GALNT14: variants seen among roughly 807,000 people sequenced by gnomAD.
GALNT14 encodes the protein UDP-GalNAc:polypeptide N-acetylgalactosaminyltransferase 14.
Under a neutral mutation model 77.5 loss-of-function variants are expected in GALNT14, and 60 were observed. The observed-to-expected ratio is 0.77, with a 90% CI of 0.63 to 0.96. GALNT14 has a LOEUF of 0.96. GALNT14 is among the 40% of genes least tolerant of loss of function. GALNT14 has a pLI of 0.00. For missense variants in GALNT14, 710 were observed against 731.0 expected (o/e 0.97, Z 0.33); for synonymous variants, 280 against 281.7 (o/e 0.99, Z 0.06).
chr2:31,008,873 C>T (rs1413665369), intron 1 of GALNT14, among the ~76,000 whole-genome samples: 1 of 152,190 alleles, frequency 6.6e-6, no homozygotes, highest in Non-Finnish European at 1.5e-5. Flanking sequence ...GGAGGCGGCT[C>T]CCTGCACGGG....
chr2:30,929,539 C>T (rs769950873), intron 10 of GALNT14, 52 bp from the exon 11 acceptor site: 31 of 1,365,384 alleles, frequency 2.3e-5, no homozygotes, highest in Non-Finnish European at 6.2e-6. Flanking sequence ...GTCTGAGAGG[C>T]CCTGTGAGTG....
At chr2:31,109,342 C>G (rs750358570) in intron 1 of GALNT14, among the ~76,000 whole-genome samples, 1 of 152,152 alleles carries the variant, frequency 6.6e-6, no homozygotes, top group African/African-American at 2.4e-5. Context: ...TACTTCTCCA[C>G]GAGAAACAGA....
At chr2:31,129,408 A>C (rs749274844) in intron 1 of GALNT14, 306 of 985,338 alleles carry the variant, frequency 3.1e-4, no homozygotes, top group Non-Finnish European at 3.6e-4. Flanking sequence ...CCCTTTAATT[A>C]GTAAAGTCTT....
chr2:31,115,384 A>G (rs146606853), intron 1 of GALNT14, among the ~76,000 whole-genome samples: 116 of 152,346 alleles, frequency 7.6e-4, no homozygotes, highest in African/African-American at 2.6e-3. Context: ...CATAGAAAAC[A>G]TAACCCACAT....
chr2:31,117,948 C>G (rs1210658202), intron 1 of GALNT14, among the ~76,000 whole-genome samples: 1 of 152,140 alleles, frequency 6.6e-6, no homozygotes, highest in African/African-American at 2.4e-5. Flanking sequence ...TATGGCAGAT[C>G]GTGCATGGGA....
At chr2:31,041,377 G>C (rs1259633113) in intron 1 of GALNT14, among the ~76,000 whole-genome samples, 1 of 152,206 alleles carries the variant, frequency 6.6e-6, no homozygotes, top group African/African-American at 2.4e-5. Context: ...CTCTAAAGAA[G>C]ATGAGGTGCT....
intron 1 of GALNT14, among the ~76,000 whole-genome samples, chr2:31,091,869 T>A (rs1676760027): frequency 6.6e-6 from 1 of 152,110 alleles, no homozygotes; most frequent in Non-Finnish European, 1.5e-5. Flanking sequence ...AGATGAACAT[T>A]TGAGTCAATG....
intron 8 of GALNT14, among the ~76,000 whole-genome samples, chr2:30,944,291 T>C (rs571028448): frequency 2.8e-4 from 43 of 152,260 alleles, no homozygotes; most frequent in African/African-American, 8.9e-4. Flanking sequence ...CTAGCCACAA[T>C]ATGCTGTGGG....
chr2:31,015,912 C>G (rs1251967572), intron 1 of GALNT14, among the ~76,000 whole-genome samples: 1 of 152,158 alleles, frequency 6.6e-6, no homozygotes, highest in South Asian at 2.1e-4. Context: ...GGGATCATCC[C>G]ACCAGACAAG....
At chr2:31,009,966 A>G (rs1250945900) in intron 1 of GALNT14, among the ~76,000 whole-genome samples, 1 of 151,836 alleles carries the variant, frequency 6.6e-6, no homozygotes, top group Non-Finnish European at 1.5e-5. Context: ...CCTCCAATTC[A>G]TTTTCCAAAG....
intron 1 of GALNT14, among the ~76,000 whole-genome samples, chr2:31,000,699 G>A (rs1049787265): frequency 1.3e-5 from 2 of 152,138 alleles, no homozygotes; most frequent in African/African-American, 2.4e-5. Context: ...TGAGGCCTAC[G>A]TACATTATGG....
the GALNT14 span, among the ~76,000 whole-genome samples, chr2:30,902,117 C>T: frequency 1.3e-5 from 2 of 152,210 alleles, no homozygotes; most frequent in African/African-American, 4.8e-5. Flanking sequence ...CTTGGCTACA[C>T]ACATTCTCTG....
the GALNT14 span, among the ~76,000 whole-genome samples, chr2:30,887,607 A>G: frequency 3.9e-5 from 6 of 152,182 alleles, no homozygotes; most frequent in Non-Finnish European, 7.3e-5. Flanking sequence ...TTCTTTATAT[A>G]TTCTGGATAT....
intron 1 of GALNT14, among the ~76,000 whole-genome samples, chr2:31,011,168 C>G (rs1671006986): frequency 6.6e-6 from 1 of 152,250 alleles, no homozygotes; most frequent in East Asian, 1.9e-4. Context: ...CTTAACCTCT[C>G]TCCCTCAACT....
At chr2:31,130,016 A>T (rs992044803) in intron 1 of GALNT14, among the ~76,000 whole-genome samples, 9 of 152,176 alleles carry the variant, frequency 5.9e-5, no homozygotes, top group Admixed American at 4.6e-4. Flanking sequence ...TGGGCATTCA[A>T]ATCCCAGGGC....
At chr2:31,016,577 A>C (rs1261700730) in intron 1 of GALNT14, among the ~76,000 whole-genome samples, 1 of 152,036 alleles carries the variant, frequency 6.6e-6, no homozygotes, top group Admixed American at 6.5e-5. Context: ...CCCATCTCTC[A>C]GCTGCTAGGA....
chr2:30,892,654 T>G, the GALNT14 span, among the ~76,000 whole-genome samples: 1,150 of 152,330 alleles, frequency 7.5e-3, 12 homozygotes, highest in African/African-American at 0.025. Context: ...ATGCCCATCA[T>G]AAAGGTTTGG....
intron 1 of GALNT14, among the ~76,000 whole-genome samples, chr2:31,096,502 A>T (rs892056574): frequency 1.3e-5 from 2 of 152,032 alleles, no homozygotes; most frequent in African/African-American, 4.8e-5. Flanking sequence ...GATAAAACAG[A>T]GTCATTAAAA....
chr2:31,082,527 A>G (rs1426978191), intron 1 of GALNT14, among the ~76,000 whole-genome samples: 1 of 152,218 alleles, frequency 6.6e-6, no homozygotes, highest in African/African-American at 2.4e-5. Flanking sequence ...CCTGAAGCTG[A>G]AAACATGAAT....
Sources: gnomAD v4.1 joint callset for allele counts (sites outside exome capture counted in the v4.1 genomes callset) on GRCh38, gnomAD v4.1.1 for gene constraint, MANE v1.5 for transcripts, NCBI Gene and HGNC (gene_info 2026-07-23, HGNC 2026-07-21) for gene names.